Variants in SMG5 observed in about 807,000 individuals in gnomAD.
SMG5 encodes SMG5 nonsense mediated mRNA decay factor.
SMG5 carries 53 observed loss-of-function variants against 122.9 expected under a neutral mutation model. The ratio of observed to expected loss-of-function variants is 0.43; its 90% CI spans 0.35 to 0.54. SMG5 has a LOEUF of 0.54. Among genes scored for constraint, SMG5 ranks in the 20% least tolerant of loss-of-function variants. The pLI is 0.01. For synonymous variants in SMG5, 477 were observed against 490.2 expected (o/e 0.97, Z 0.35); for missense variants, 1,153 against 1,285.6 (o/e 0.90, Z 1.58).
chr1:156,251,362 C>A, intron 20 of SMG5, 41 bp downstream of exon 20: 3 of 1,605,594 alleles, frequency 1.9e-6, no homozygotes, highest in Middle Eastern at 1.7e-4. Context: ...AGGAGCAAGG[C>A]AGGTGGCCTG....
chr1:156,251,039 A>G (rs1661324688), intron 20 of SMG5, 43 bp from the exon 21 acceptor site: 1 of 1,601,546 alleles, frequency 6.2e-7, no homozygotes, highest in East Asian at 2.2e-5. Flanking sequence ...AAGACCCAGC[A>G]TTAGCACAGC....
At chr1:156,271,897 ATGT>A (rs759689115) in intron 7 of SMG5, among the ~76,000 whole-genome samples, 3 of 151,868 alleles carry the variant, frequency 2.0e-5, no homozygotes, top group Admixed American at 2.0e-4. Context: ...CCTGCCAAAA[ATGT>A]TGTTTTTTAT....
intron 13 of SMG5, 135 bp downstream of exon 13, chr1:156,263,260 G>A: frequency 9.9e-7 from 1 of 1,014,334 alleles, no homozygotes; most frequent in Non-Finnish European, 1.5e-6. Context: ...TAAGGGCCCA[G>A]CACAGATAGG....
At chr1:156,267,790 G>A in intron 9 of SMG5, 112 bp from the exon 10 acceptor site, 2 of 942,210 alleles carry the variant, frequency 2.1e-6, no homozygotes, top group Non-Finnish European at 3.2e-6. Context: ...GGGGAGACCT[G>A]AGAGCACACC....
At position 156,277,066 on chromosome 1, in the gene SMG5, C is replaced by T. The variant is rs757838517; in HGVS notation, c.454+19G>A. On this transcript the variant is annotated intron_variant, in intron 4 of 21. Transcript: ENST00000361813. ...AAGCATGAGAACCTGCTCAAGTCCA[C>T]CTTTCAGGTTCCACTGACCTATGAG... 5.0e-6 allele frequency: 8 copies of T among 1,609,000 alleles called. No homozygotes were observed. Among genetic ancestry groups the T allele is most frequent in the Non-Finnish European group, 6.8e-6 (8 of 1,177,166 alleles).
At chr1:156,289,589 G>C in the SMG5 span, among the ~76,000 whole-genome samples, 2 of 152,190 alleles carry the variant, frequency 1.3e-5, no homozygotes, top group Admixed American at 1.3e-4. Context: ...TCCAGCCTGG[G>C]CGACAGAGCG....
At chr1:156,289,498 G>C in the SMG5 span, among the ~76,000 whole-genome samples, 1 of 152,200 alleles carries the variant, frequency 6.6e-6, no homozygotes, top group East Asian at 1.9e-4. Flanking sequence ...TGTAGTCCCA[G>C]CTACTCAGGA....
chr1:156,286,281 G>A, upstream of SMG5: 1 of 1,614,232 alleles, frequency 6.2e-7, no homozygotes, highest in Non-Finnish European at 8.5e-7. Flanking sequence ...TACGGGCTGA[G>A]CCTGTTATGC....
chr1:156,253,673 T>G, intron 16 of SMG5, 165 bp from the exon 17 acceptor site: 1 of 670,798 alleles, frequency 1.5e-6, no homozygotes, highest in Non-Finnish European at 2.7e-6. Context: ...GAAAAAATAT[T>G]CTTCCACTGC....
At chr1:156,271,940 G>A (rs1662455684) in intron 7 of SMG5, among the ~76,000 whole-genome samples, 1 of 152,050 alleles carries the variant, frequency 6.6e-6, no homozygotes, top group African/African-American at 2.4e-5. Context: ...ACCCAGGGAA[G>A]CAGTGACCCA....
intron 4 of SMG5, 85 bp downstream of exon 4, chr1:156,277,000 T>C (rs1662711399): frequency 1.4e-6 from 2 of 1,408,334 alleles, no homozygotes; most frequent in African/African-American, 2.9e-5. Context: ...CCTGGCTGGG[T>C]CGCAAGCTAC....
intron 17 of SMG5, 100 bp downstream of exon 17, chr1:156,253,349 C>T (rs1407242812): frequency 1.6e-6 from 2 of 1,258,310 alleles, no homozygotes; most frequent in Non-Finnish European, 2.3e-6. Context: ...ACAGAGGCAA[C>T]AGAGCAGGGG....
chr1:156,252,383 C>T (rs955705898), intron 19 of SMG5, 31 bp downstream of exon 19: 3 of 1,606,754 alleles, frequency 1.9e-6, no homozygotes, highest in African/African-American at 2.7e-5. Flanking sequence ...AGACCCAGGG[C>T]TCAGCACAGG....
In SMG5 at chr1:156,249,690, G is replaced by A. The variant is rs568435093; in HGVS notation, c.*897C>T. ...TCCTTTCTGCTGCCCACTGAATGCC[G>A]GCCCCTTGTCTTCAGCCCTCCCTTA... On this transcript the variant is annotated 3_prime_UTR_variant, in exon 22 of 22. Transcript: ENST00000361813. 17 of 465,096 alleles carry A rather than the reference G, an allele frequency of 3.7e-5. No individual in the cohort carries two copies. The highest frequency in any genetic ancestry group is 2.8e-4 in the East Asian group (4 of 14,316). The allele number at this position is 465,096 out of a possible 1,614,324, so 28.8% of individuals were successfully genotyped here. A position where few individuals can be genotyped will look rare whatever the true frequency, so the allele number is the denominator to read the frequency against.
At chr1:156,266,788 C>T in intron 10 of SMG5, 110 bp from the exon 11 acceptor site, 1 of 1,072,964 alleles carries the variant, frequency 9.3e-7, no homozygotes, top group South Asian at 1.8e-5. Flanking sequence ...GATCCAACTA[C>T]TTATCAAAGA....
chr1:156,282,830 C>T (rs1663031876), upstream of SMG5: 1 of 755,940 alleles, frequency 1.3e-6, no homozygotes, highest in African/African-American at 1.8e-5. Context: ...CGCGACAGCT[C>T]CTCCTCCGCC....
intron 10 of SMG5, among the ~76,000 whole-genome samples, chr1:156,267,261 G>A (rs1372077084): frequency 1.3e-5 from 2 of 152,342 alleles, no homozygotes; most frequent in East Asian, 3.9e-4. Flanking sequence ...AAGGAGAAGG[G>A]GGAAGGAAAT....
At chr1:156,251,697 G>A (rs559911793) in intron 19 of SMG5, among the ~76,000 whole-genome samples, 25 of 152,280 alleles carry the variant, frequency 1.6e-4, no homozygotes, top group Admixed American at 4.6e-4. Flanking sequence ...TCCTCTCAGG[G>A]GAGGAGCTGG....
chr1:156,260,597 G>A lies in SMG5; in HGVS notation c.2137C>T (p.Leu713Phe). Residue 713 changes from leucine to phenylalanine, a missense_variant, in exon 15 of 22, where the codon CTT (leucine) becomes TTT (phenylalanine). Physicochemically the swap from Leu to Phe is conservative, Grantham distance 22. This residue lies in a region of SMG5 where 631 missense variants were observed against 650.6 expected (regional missense o/e 0.97). Transcript: ENST00000361813. ...TCAGGCAGTTCACAACCTTCAAGAA[G>A]ATCTTGGACCTCAGGACACAAGGCC... is the stretch of plus-strand genomic sequence containing the variant. Reference protein sequence around the residue: ...GLALCPEVQDLLEGCELPDLP... With the variant: ...GLALCPEVQDFLEGCELPDLP... The A allele has an allele frequency of 1.3e-6, 2 of 1,514,698 alleles. No individual in the cohort carries two copies. The highest frequency in any genetic ancestry group is 1.8e-6 in the Non-Finnish European group (2 of 1,137,058). 93.8% of individuals were successfully genotyped at this position (1,514,698 alleles called of 1,614,324 possible). A position where few individuals can be genotyped will look rare whatever the true frequency, so the allele number is the denominator to read the frequency against.
Sources: gnomAD v4.1 joint callset for allele counts (sites outside exome capture counted in the v4.1 genomes callset) on GRCh38, gnomAD v4.1.1 for gene constraint, gnomAD v4.1.1 regional missense constraint, MANE v1.5 for transcripts, NCBI Gene and HGNC (gene_info 2026-07-23, HGNC 2026-07-21) for gene names.